The following C14orf132 variants were observed in gnomAD, a reference collection of about 807,000 sequenced individuals.
C14orf132 encodes uncharacterized protein C14orf132.
Under a neutral mutation model 5.8 loss-of-function variants are expected in C14orf132, and 6 were observed. The observed-to-expected ratio is 1.03, with a 90% CI of 0.57 to 2.04. The LOEUF (loss-of-function observed/expected upper bound fraction) is 2.04, where lower values mean the gene tolerates loss of function less well. Among genes scored for constraint, C14orf132 ranks in the 30% most tolerant of loss-of-function variants. C14orf132 has a pLI of 0.00. For synonymous variants in C14orf132, 51 were observed against 49.8 expected (o/e 1.02, Z -0.10); for missense variants, 125 against 115.8 (o/e 1.08, Z -0.37).
chr14:96,048,730 T>G (rs1886908152), intron 1 of C14orf132, among the ~76,000 whole-genome samples: 2 of 152,110 alleles, frequency 1.3e-5, no homozygotes, highest in Non-Finnish European at 1.5e-5. Flanking sequence ...TTTACCATGT[T>G]GGCCAGGCTG....
rs1888313208 is a variant in C14orf132, at chr14:96,089,510, C to T, written c.*2775C>T. The stretch of plus-strand genomic sequence containing the variant: ...TACTGCCTTCTGTGACTGGGTGGCA[C>T]CTCCAGGGCACATTTACACAAGGCC... On this transcript the variant is annotated 3_prime_UTR_variant, in exon 2 of 2. Coordinates refer to ENST00000555004, the MANE Select transcript of C14orf132 (RefSeq NM_001252507.3). 1 of 152,266 alleles carries T rather than the reference C, an allele frequency of 6.6e-6. No individual in the cohort carries two copies. Among genetic ancestry groups the T allele is most frequent in the Non-Finnish European group, 1.5e-5 (1 of 68,090 alleles). The allele number at this position is 152,266 out of a possible 1,614,324, so 9.4% of individuals were successfully genotyped here.
At position 96,091,206 on chromosome 14, in the gene C14orf132, C is replaced by T. The variant is rs1206215909; in HGVS notation, c.*4471C>T. The stretch of plus-strand genomic sequence containing the variant: ...ACCAGGGTGATCCCCCTGGGATGGA[C>T]CATCTCGGGATATGAGGCCTCGGAG... On this transcript the variant is annotated 3_prime_UTR_variant, in exon 2 of 2. Transcript: ENST00000555004. 5.5e-6 allele frequency: 2 copies of T among 361,220 alleles called. No individual in the cohort carries two copies. The highest frequency in any genetic ancestry group is 4.2e-5 in the South Asian group (2 of 47,558). 22.4% of individuals were successfully genotyped at this position (361,220 alleles called of 1,614,324 possible).
In C14orf132 at chr14:96,052,510, G is replaced by A. The variant is rs145163771; in HGVS notation, c.27+12983G>A. 1.1e-3 allele frequency among the ~76,000 whole-genome samples: 168 copies of A among 152,366 alleles called. 3 individuals carry two copies. The East Asian group carries it at 0.031, about 28-fold the overall frequency. On this transcript the variant is annotated intron_variant, in intron 1 of 1. Coordinates refer to ENST00000555004, the MANE Select transcript of C14orf132 (RefSeq NM_001252507.3). ...TCATCTCATTTATGTCAGGATTGCTGCTGCCCAGCCCAGGGCTAGAACCAG... is the reference window on the plus strand; with the variant it reads ...TCATCTCATTTATGTCAGGATTGCTACTGCCCAGCCCAGGGCTAGAACCAG...
chr14:96,047,893 A>C (rs1250919915), intron 1 of C14orf132, among the ~76,000 whole-genome samples: 1 of 152,204 alleles, frequency 6.6e-6, no homozygotes, highest in African/African-American at 2.4e-5. Flanking sequence ...GACACATCAG[A>C]ATCCTCCAAA....
In C14orf132 at chr14:96,090,652, G is replaced by C; in HGVS notation, c.*3917G>C. On this transcript the variant is annotated 3_prime_UTR_variant, in exon 2 of 2. Coordinates refer to ENST00000555004, the MANE Select transcript of C14orf132 (RefSeq NM_001252507.3). The stretch of plus-strand genomic sequence containing the variant: ...TCCCTGCTCCACTCTACCCCCCAGA[G>C]AGAAATGATTCTCGCTCCTTTCAGA... The C allele has an allele frequency of 2.2e-6, 1 of 456,044 alleles. No homozygotes were observed. The highest frequency in any genetic ancestry group is 4.4e-6 in the Non-Finnish European group (1 of 226,786). 28.2% of individuals were successfully genotyped at this position (456,044 alleles called of 1,614,324 possible).
rs182165329 is a variant in C14orf132 at position 96,051,582 on chromosome 14, C to T, written c.27+12055C>T. 2.6e-5 allele frequency among the ~76,000 whole-genome samples: 4 copies of T among 152,278 alleles called. No individual in the cohort carries two copies. In the East Asian group the frequency reaches 5.8e-4, roughly 22 times the overall value. ...TATATTAAGACTTGGTTTCCAGCAG[C>T]TTTGAGGGACACCTGAGGGGGGCTG... On this transcript the variant is annotated intron_variant, in intron 1 of 1. Transcript: ENST00000555004.
intron 1 of C14orf132, among the ~76,000 whole-genome samples, chr14:96,042,610 G>A (rs1289332619): frequency 1.3e-5 from 2 of 152,210 alleles, no homozygotes; most frequent in African/African-American, 2.4e-5. Context: ...CCACTCAAAA[G>A]CTAAGCATTA....
At chr14:96,055,304 C>G (rs1887148696) in intron 1 of C14orf132, among the ~76,000 whole-genome samples, 1 of 152,196 alleles carries the variant, frequency 6.6e-6, no homozygotes, top group Non-Finnish European at 1.5e-5. Context: ...AGACTGCTGA[C>G]AAACCTGCCC....
At chr14:96,075,895 G>C (rs376943821) in intron 1 of C14orf132, among the ~76,000 whole-genome samples, 7 of 152,312 alleles carry the variant, frequency 4.6e-5, no homozygotes, top group African/African-American at 1.7e-4. Context: ...TTTGTTAGCA[G>C]AGTAATGCTG....
intron 1 of C14orf132, among the ~76,000 whole-genome samples, chr14:96,068,665 A>G (rs1887608369): frequency 6.6e-6 from 1 of 152,132 alleles, no homozygotes; most frequent in Non-Finnish European, 1.5e-5. Flanking sequence ...GGCCACATTC[A>G]TCAGCAAAAG....
intron 1 of C14orf132, among the ~76,000 whole-genome samples, chr14:96,052,986 A>G (rs1373408890): frequency 6.6e-6 from 1 of 152,174 alleles, no homozygotes; most frequent in African/African-American, 2.4e-5. Flanking sequence ...ATGGTGACTC[A>G]GAGGTAAGGT....
At chr14:96,049,569 TAC>T (rs1436879010) in intron 1 of C14orf132, among the ~76,000 whole-genome samples, 2 of 127,470 alleles carry the variant, frequency 1.6e-5, no homozygotes, top group African/African-American at 5.5e-5. Flanking sequence ...TACGTATATA[TAC>T]ATATATACGT....
intron 1 of C14orf132, among the ~76,000 whole-genome samples, chr14:96,044,618 G>A (rs953578149): frequency 3.9e-5 from 6 of 152,174 alleles, no homozygotes; most frequent in Non-Finnish European, 8.8e-5. Context: ...CACAATCCAG[G>A]TGTCAGCAGG....
intron 1 of C14orf132, among the ~76,000 whole-genome samples, chr14:96,081,079 T>A (rs749362191): frequency 3.3e-5 from 5 of 152,230 alleles, no homozygotes; most frequent in Non-Finnish European, 7.3e-5. Flanking sequence ...ATCAGTCTGC[T>A]TTGTCCCATC....
chr14:96,075,892 G>A (rs995497079), intron 1 of C14orf132, among the ~76,000 whole-genome samples: 1 of 152,156 alleles, frequency 6.6e-6, no homozygotes, highest in African/African-American at 2.4e-5. Flanking sequence ...GATTTTGTTA[G>A]CAGAGTAATG....
intron 1 of C14orf132, among the ~76,000 whole-genome samples, chr14:96,043,204 G>C (rs538549414): frequency 2.6e-5 from 4 of 152,290 alleles, no homozygotes; most frequent in African/African-American, 9.6e-5. Flanking sequence ...CTGTGGCCAA[G>C]TCCTAAAAAG....
intron 1 of C14orf132, among the ~76,000 whole-genome samples, chr14:96,049,509 T>C (rs1296726360): frequency 6.9e-6 from 1 of 144,664 alleles, no homozygotes; most frequent in Non-Finnish European, 1.5e-5. Context: ...TATATATACG[T>C]ATATACGTAT....
Position 96,093,746 on chromosome 14 carries a change from A to C in C14orf132, c.*7011A>C, listed in dbSNP as rs10752. The C allele has an allele frequency of 6.6e-6, 1 of 152,228 alleles. No individual in the cohort carries two copies. The highest frequency in any genetic ancestry group is 1.5e-5 in the Non-Finnish European group (1 of 68,008). The allele number at this position is 152,228 out of a possible 1,614,324, so 9.4% of individuals were successfully genotyped here. On this transcript the variant is annotated 3_prime_UTR_variant, in exon 2 of 2. Coordinates refer to ENST00000555004, the MANE Select transcript of C14orf132 (RefSeq NM_001252507.3). ...CTACAGTGAAGACTCTTTCTTAATA[A>C]AGGATTTCGCTGTGCTCTTTTGATT... is the stretch of plus-strand genomic sequence containing the variant.
intron 1 of C14orf132, among the ~76,000 whole-genome samples, chr14:96,056,136 T>C (rs1887176716): frequency 6.6e-6 from 1 of 152,244 alleles, no homozygotes; most frequent in African/African-American, 2.4e-5. Flanking sequence ...GAATGCGGTG[T>C]AGGCCATTCT....
Sources: allele counts gnomAD v4.1 joint callset (sites outside exome capture counted in the v4.1 genomes callset), GRCh38; gene constraint gnomAD v4.1.1; transcripts MANE v1.5; gene names NCBI Gene and HGNC (gene_info 2026-07-23, HGNC 2026-07-21).